Variants in ARHGEF28 observed in about 807,000 individuals in gnomAD.
ARHGEF28 encodes the protein 190 kDa guanine nucleotide exchange factor.
In ARHGEF28, 152 loss-of-function variants were observed where a neutral mutation model predicts 206.6. That is an observed-to-expected ratio of 0.74 (90% confidence interval 0.64 to 0.84). The LOEUF (loss-of-function observed/expected upper bound fraction) is 0.84, where lower values mean the gene tolerates loss of function less well. Ranked by LOEUF, ARHGEF28 falls within the 40% of genes least tolerant of loss-of-function variation. ARHGEF28 has a pLI of 0.00. For synonymous variants in ARHGEF28, 763 were observed against 776.4 expected, an observed-to-expected ratio of 0.98 and a Z score of 0.29; for missense variants, 2,028 against 2,073.2, an observed-to-expected ratio of 0.98 and a Z score of 0.42.
chr5:73,668,771 T>TCTATTGGAAGCCCTG (rs1456632418), intron 1 of ARHGEF28, among the ~76,000 whole-genome samples: 2 of 152,084 alleles, frequency 1.3e-5, no homozygotes, highest in Non-Finnish European at 2.9e-5. Flanking sequence ...TGGAAACCCT[T>TCTATTGGAAGCCCTG]CTAAGTAGCA....
chr5:73,736,648 C>G (rs1281537909), intron 2 of ARHGEF28, among the ~76,000 whole-genome samples: 1 of 152,092 alleles, frequency 6.6e-6, no homozygotes, highest in East Asian at 1.9e-4. Flanking sequence ...TGCATTAAGG[C>G]TTTCTGTTAG....
In ARHGEF28 at chr5:73,783,577, C is replaced by T. The variant is rs1267791995; in HGVS notation, c.910+2832C>T. 3.3e-5 allele frequency among the ~76,000 whole-genome samples: 5 copies of T among 152,024 alleles called. No individual in the cohort carries two copies. The East Asian group carries it at 7.7e-4, about 23-fold the overall frequency. ...GGCCTAGTGGAAGATGGGGACCAGC[C>T]ATGGGGCTGCTGAAAGCAACGCAGA... On this transcript the variant is annotated intron_variant, in intron 7 of 35. Transcript: ENST00000513042.
chr5:73,883,653 G>T, intron 23 of ARHGEF28, 114 bp from the exon 24 acceptor site: 1 of 542,390 alleles, frequency 1.8e-6, no homozygotes, highest in Non-Finnish European at 3.1e-6. Flanking sequence ...TGATAGCAAT[G>T]AATGTTAAGT....
intron 1 of ARHGEF28, among the ~76,000 whole-genome samples, chr5:73,650,534 C>T (rs188162832): frequency 5.9e-5 from 9 of 152,172 alleles, no homozygotes; most frequent in Non-Finnish European, 1.2e-4. Flanking sequence ...CTGCCAGCCT[C>T]GGCCTCACAA....
rs189561255 is a variant in ARHGEF28 at position 73,806,332 on chromosome 5, T to C, written c.1024+10941T>C. Among the ~76,000 whole-genome samples, 642 of 130,676 alleles carry C rather than the reference T, an allele frequency of 4.9e-3. 45 individuals carry two copies. The highest frequency in any genetic ancestry group is 0.018 in the African/African-American group (605 of 33,520). 85.7% of individuals were successfully genotyped at this position (130,676 alleles called of 152,430 possible). On this transcript the variant is annotated intron_variant, in intron 9 of 35. Coordinates refer to ENST00000513042, the MANE Select transcript of ARHGEF28 (RefSeq NM_001177693.2). The stretch of plus-strand genomic sequence containing the variant: ...TATAGTATATATATACTCTATAGAG[T>C]ATATATATACTATGTAGATATACTA...
At chr5:73,857,313 A>G (rs1759107603) in intron 14 of ARHGEF28, among the ~76,000 whole-genome samples, 1 of 152,130 alleles carries the variant, frequency 6.6e-6, no homozygotes, top group Admixed American at 6.6e-5. Flanking sequence ...TTTCAGGGTA[A>G]AATTATAAGT....
intron 9 of ARHGEF28, among the ~76,000 whole-genome samples, chr5:73,798,250 G>T (rs1036889369): frequency 3.9e-5 from 6 of 152,122 alleles, no homozygotes; most frequent in Non-Finnish European, 7.4e-5. Flanking sequence ...CACTCTTTAA[G>T]TTATTTTAAA....
chr5:73,899,934 A>T (rs1333630933), intron 30 of ARHGEF28: 1 of 152,220 alleles, frequency 6.6e-6, no homozygotes, highest in Non-Finnish European at 1.5e-5. Context: ...TCTATGAGGG[A>T]GTGAGAAACA....
rs2112643730 is a variant in ARHGEF28, at chr5:73,873,020, A to G, written c.2588A>G (p.His863Arg). 6.2e-7 allele frequency: 1 copy of G among 1,613,748 alleles called. No homozygotes were observed. The highest frequency in any genetic ancestry group is 8.5e-7 in the Non-Finnish European group (1 of 1,179,762). ...TCAGAGCTAATGCAAACAGAGATGC[A>G]TCACATCCAGACCCTGTTCATCATG... Reference protein sequence around the residue: ...VIFELMQTEMHHIQTLFIMSE... With the variant: ...VIFELMQTEMRHIQTLFIMSE... Residue 863 changes from histidine to arginine, a missense_variant, in exon 22 of 36, where the codon CAT (histidine) becomes CGT (arginine). His to Arg is a conservative substitution (Grantham distance 29). Coordinates refer to ENST00000513042, the MANE Select transcript of ARHGEF28 (RefSeq NM_001177693.2).
chr5:73,758,160 G>A (rs1752413695), intron 4 of ARHGEF28, among the ~76,000 whole-genome samples: 1 of 152,096 alleles, frequency 6.6e-6, no homozygotes, highest in African/African-American at 2.4e-5. Context: ...ACTACAAATG[G>A]TATCTCCAAA....
At chr5:73,638,385 A>G (rs947345508) in intron 1 of ARHGEF28, among the ~76,000 whole-genome samples, 1 of 152,224 alleles carries the variant, frequency 6.6e-6, no homozygotes, top group Admixed American at 6.5e-5. Flanking sequence ...GAGAATTGAA[A>G]CAATTTTATA....
intron 4 of ARHGEF28, among the ~76,000 whole-genome samples, chr5:73,770,229 C>T (rs1580594417): frequency 6.6e-6 from 1 of 152,136 alleles, no homozygotes; most frequent in East Asian, 1.9e-4. Context: ...TCTTAGGAAC[C>T]TTGGATCTTT....
intron 2 of ARHGEF28, among the ~76,000 whole-genome samples, chr5:73,690,938 CT>C (rs1009452631): frequency 7.5e-5 from 11 of 147,566 alleles, no homozygotes; most frequent in Admixed American, 1.4e-4. Context: ...GAAGTTCCAC[CT>C]TTTTTTTTTG....
intron 35 of ARHGEF28, among the ~76,000 whole-genome samples, chr5:73,912,085 A>G (rs1447672508): frequency 6.6e-6 from 1 of 151,998 alleles, no homozygotes; most frequent in Non-Finnish European, 1.5e-5. Context: ...AAAAAAAAAA[A>G]GTGTTGTCTC....
At chr5:73,679,269 T>C (rs1055889879) in intron 1 of ARHGEF28, among the ~76,000 whole-genome samples, 57 of 152,326 alleles carry the variant, frequency 3.7e-4, no homozygotes, top group African/African-American at 1.3e-3. Flanking sequence ...AGATACTCTT[T>C]CAAAATGTTG....
intron 1 of ARHGEF28, chr5:73,627,308 G>T (rs1399921764): frequency 2.6e-5 from 4 of 152,168 alleles, no homozygotes; most frequent in East Asian, 1.9e-4. Flanking sequence ...TTTAATTTTC[G>T]TTTATAAAGA....
chr5:73,649,259 T>A (rs906845384), intron 1 of ARHGEF28, among the ~76,000 whole-genome samples: 5 of 152,108 alleles, frequency 3.3e-5, no homozygotes, highest in Non-Finnish European at 5.9e-5. Context: ...TTGATATATT[T>A]ATTTGTGGTG....
intron 9 of ARHGEF28, among the ~76,000 whole-genome samples, chr5:73,823,894 A>G (rs577287046): frequency 2.7e-4 from 41 of 152,308 alleles, no homozygotes; most frequent in African/African-American, 9.1e-4. Context: ...CTCATCTGTC[A>G]AATGGAATTG....
chr5:73,681,402 G>A (rs1747090049), intron 1 of ARHGEF28, among the ~76,000 whole-genome samples: 1 of 152,082 alleles, frequency 6.6e-6, no homozygotes. Flanking sequence ...TATTTTATGG[G>A]TGGCTGGTGA....
Sources: allele counts gnomAD v4.1 joint callset (sites outside exome capture counted in the v4.1 genomes callset), GRCh38; gene constraint gnomAD v4.1.1; transcripts MANE v1.5; gene names NCBI Gene and HGNC (gene_info 2026-07-23, HGNC 2026-07-21).